CALN1: variants seen among roughly 807,000 people sequenced by gnomAD.
The protein encoded by CALN1 is calcium-binding protein 8.
A neutral mutation model predicts 30.6 loss-of-function variants in CALN1; 17 were observed. The observed-to-expected ratio is 0.56, with a 90% CI of 0.38 to 0.83. The LOEUF (loss-of-function observed/expected upper bound fraction) is 0.83. Among genes scored for constraint, CALN1 ranks in the 40% least tolerant of loss-of-function variants. CALN1 has a pLI of 0.00. For missense variants in CALN1, 291 were observed against 354.9 expected, an observed-to-expected ratio of 0.82 and a Z score of 1.45; for synonymous variants, 156 against 131.4, an observed-to-expected ratio of 1.19 and a Z score of -1.28.
At chr7:72,335,542 A>G (rs764252877) in intron 2 of CALN1, among the ~76,000 whole-genome samples, 8 of 152,154 alleles carry the variant, frequency 5.3e-5, no homozygotes, top group Non-Finnish European at 8.8e-5. Context: ...CCAGCCACAC[A>G]CAGCCGGCGC....
At chr7:72,437,701 CTCTCTTT>C (rs1562968566) in intron 1 of CALN1, among the ~76,000 whole-genome samples, 1 of 41,218 alleles carries the variant, frequency 2.4e-5, no homozygotes, top group Admixed American at 2.2e-4. Flanking sequence ...CTCCCTCCCT[CTCTCTTT>C]CTTTCCTTCC....
At chr7:72,464,404 T>C in the CALN1 span, among the ~76,000 whole-genome samples, 2 of 152,236 alleles carry the variant, frequency 1.3e-5, no homozygotes, top group South Asian at 4.1e-4. Flanking sequence ...CCTGTGTTAA[T>C]CTTTTCTTCG....
chr7:72,271,008 G>GAT (rs1309318686), intron 3 of CALN1, among the ~76,000 whole-genome samples: 1 of 152,154 alleles, frequency 6.6e-6, no homozygotes, highest in Non-Finnish European at 1.5e-5. Flanking sequence ...GAGAGGTCAA[G>GAT]ATATATGGGA....
At chr7:72,160,898 C>G (rs532919496) in intron 3 of CALN1, among the ~76,000 whole-genome samples, 2 of 152,126 alleles carry the variant, frequency 1.3e-5, no homozygotes, top group Non-Finnish European at 2.9e-5. Flanking sequence ...CCTTCCATAC[C>G]GGATAGAAAG....
At chr7:72,233,303 A>AT (rs1562774642) in intron 3 of CALN1, among the ~76,000 whole-genome samples, 1 of 152,094 alleles carries the variant, frequency 6.6e-6, no homozygotes, top group Non-Finnish European at 1.5e-5. Context: ...CAAGGACAGA[A>AT]TAAGAGCCAA....
At chr7:71,796,657 T>C (rs1786947089) in intron 6 of CALN1, among the ~76,000 whole-genome samples, 1 of 152,042 alleles carries the variant, frequency 6.6e-6, no homozygotes, top group African/African-American at 2.4e-5. Flanking sequence ...CGCGTCCAGC[T>C]TATGTTTCGT....
intron 3 of CALN1, among the ~76,000 whole-genome samples, chr7:72,156,459 C>G (rs1359554260): frequency 6.6e-6 from 1 of 152,132 alleles, no homozygotes; most frequent in Non-Finnish European, 1.5e-5. Context: ...GCAGTCGGGC[C>G]CACAACACTA....
the CALN1 span, among the ~76,000 whole-genome samples, chr7:72,474,687 A>G: frequency 1.6e-5 from 2 of 123,978 alleles, no homozygotes; most frequent in African/African-American, 1.0e-4. Context: ...TCTTGTCCCA[A>G]AAAAAAAAAA....
chr7:71,967,590 C>A (rs1401591602), intron 5 of CALN1, among the ~76,000 whole-genome samples: 2 of 144,100 alleles, frequency 1.4e-5, no homozygotes, highest in Non-Finnish European at 3.0e-5. Context: ...CGTGTCACTG[C>A]ACTCCAGCCT....
At chr7:72,302,456 C>A (rs1047009289) in intron 2 of CALN1, among the ~76,000 whole-genome samples, 3 of 152,146 alleles carry the variant, frequency 2.0e-5, no homozygotes, top group African/African-American at 7.2e-5. Flanking sequence ...AACTAATTTA[C>A]ACCCAGTCAA....
chr7:72,356,992 AAGAAGTGGAGACT>A (rs958296752), intron 2 of CALN1, among the ~76,000 whole-genome samples: 1 of 151,970 alleles, frequency 6.6e-6, no homozygotes, highest in African/African-American at 2.4e-5. Flanking sequence ...AATTCAGGGC[AAGAAGTGGAGACT>A]TCCAGGAAAC....
chr7:72,000,896 T>C (rs1799494832), intron 5 of CALN1, among the ~76,000 whole-genome samples: 2 of 152,190 alleles, frequency 1.3e-5, no homozygotes, highest in Admixed American at 1.3e-4. Flanking sequence ...GGGTTCCCTC[T>C]CGACCAGGAA....
chr7:72,263,250 C>T (rs1265678742), intron 3 of CALN1, among the ~76,000 whole-genome samples: 2 of 152,150 alleles, frequency 1.3e-5, no homozygotes, highest in African/African-American at 4.8e-5. Context: ...ATAGTAATTC[C>T]TCACTTTGCA....
intron 2 of CALN1, among the ~76,000 whole-genome samples, chr7:72,397,127 TCTCAAGCTCCTGGC>T (rs1806016353): frequency 6.6e-6 from 1 of 151,908 alleles, no homozygotes; most frequent in African/African-American, 2.4e-5. Flanking sequence ...CCCAGGCTGG[TCTCAAGCTCCTGGC>T]CTCAAGCAAT....
At chr7:72,479,618 T>C in the CALN1 span, among the ~76,000 whole-genome samples, 141 of 151,262 alleles carry the variant, frequency 9.3e-4, no homozygotes, top group Non-Finnish European at 1.6e-3. Context: ...AATGGCGTGA[T>C]CTTGGCTCAC....
At chr7:72,370,753 A>G (rs1342763324) in intron 2 of CALN1, among the ~76,000 whole-genome samples, 1 of 152,070 alleles carries the variant, frequency 6.6e-6, no homozygotes, top group East Asian at 1.9e-4. Context: ...GTGTCTTTCA[A>G]AGAGAGAGCT....
chr7:71,994,916 G>A (rs952636526), intron 5 of CALN1, among the ~76,000 whole-genome samples: 4 of 148,798 alleles, frequency 2.7e-5, no homozygotes, highest in South Asian at 2.1e-4. Context: ...GCAGTGGCGC[G>A]ATCTCAGCTC....
chr7:71,857,462 C>G (rs1282485130), intron 5 of CALN1, among the ~76,000 whole-genome samples: 2 of 152,170 alleles, frequency 1.3e-5, no homozygotes, highest in Non-Finnish European at 2.9e-5. Context: ...CTCACCCATT[C>G]TGGCTGAGAA....
intron 5 of CALN1, among the ~76,000 whole-genome samples, chr7:71,862,217 T>C (rs1208978011): frequency 6.6e-6 from 1 of 152,154 alleles, no homozygotes; most frequent in East Asian, 1.9e-4. Flanking sequence ...GTGGCTGAAA[T>C]TAAGATCAGC....
Sources: allele counts gnomAD v4.1 joint callset (sites outside exome capture counted in the v4.1 genomes callset), GRCh38; gene constraint gnomAD v4.1.1; transcripts MANE v1.5; gene names NCBI Gene and HGNC (gene_info 2026-07-23, HGNC 2026-07-21).